Variants in BCAR3 observed in about 807,000 individuals in gnomAD.
BCAR3 encodes the protein breast cancer anti-estrogen resistance protein 3.
BCAR3 carries 37 observed loss-of-function variants against 80.1 expected under a neutral mutation model. That is an observed-to-expected ratio of 0.46 (90% CI 0.36 to 0.61). BCAR3 has a LOEUF of 0.61. Ranked by LOEUF, BCAR3 falls within the 20% of genes least tolerant of loss-of-function variation. The pLI is 0.00. For synonymous variants in BCAR3, 389 were observed against 418.9 expected, an observed-to-expected ratio of 0.93 and a Z score of 0.87; for missense variants, 978 against 1,068.2, an observed-to-expected ratio of 0.92 and a Z score of 1.18.
In BCAR3 at chr1:93,788,365, T is replaced by C. The variant is rs958401181; in HGVS notation, c.-63+57202A>G. 2.6e-5 allele frequency among the ~76,000 whole-genome samples: 4 copies of C among 152,192 alleles called. No homozygotes were observed. In the South Asian group the frequency reaches 8.3e-4, roughly 32 times the overall value. On this transcript the variant is annotated intron_variant, in intron 2 of 13. Transcript: ENST00000370244. Reference sequence around the variant, plus strand: ...TTCATTATGTTATTTAGTGCCTAAATACCCTGTTATTTTTCATTGTGTTAT... The same window carrying C: ...TTCATTATGTTATTTAGTGCCTAAACACCCTGTTATTTTTCATTGTGTTAT...
intron 2 of BCAR3, among the ~76,000 whole-genome samples, chr1:93,731,916 G>T (rs1019332116): frequency 6.6e-6 from 1 of 152,198 alleles, no homozygotes; most frequent in Non-Finnish European, 1.5e-5. Flanking sequence ...AAGGTAGCAA[G>T]GGCTCTGATC....
rs1673444800 is a variant in BCAR3, at chr1:93,576,074, G to C, written c.1742C>G (p.Ser581Ter). 6.2e-7 allele frequency: 1 copy of C among 1,614,038 alleles called. No individual in the cohort carries two copies. The highest frequency in any genetic ancestry group is 8.5e-7 in the Non-Finnish European group (1 of 1,180,046). ...EEMRRNMGVS[S>*]GLELITLPHG... ...AGGCAAGGTAATGAGTTCCAGGCCT[G>C]AGCTCACCCCCATGTTCCTCCTCAT... The change falls in exon 8 of 12, where the codon TCA (serine) becomes TGA (stop). Residue 581 changes from serine (S) to a stop codon, truncating the protein, a stop_gained. Coordinates refer to ENST00000260502, the MANE Select transcript of BCAR3 (RefSeq NM_003567.4). LOFTEE classifies it high-confidence loss of function.
At chr1:93,658,334 A>T (rs936332309) in intron 2 of BCAR3, among the ~76,000 whole-genome samples, 3 of 152,206 alleles carry the variant, frequency 2.0e-5, no homozygotes, top group African/African-American at 7.2e-5. Flanking sequence ...GAAAAGAAAG[A>T]ACAAAACTGG....
chr1:93,568,873 G>A (rs914343073), intron 9 of BCAR3, among the ~76,000 whole-genome samples: 1 of 152,080 alleles, frequency 6.6e-6, no homozygotes, highest in Non-Finnish European at 1.5e-5. Flanking sequence ...CCCAGGCTGG[G>A]GTGCAGTGGT....
chr1:93,784,589 G>A (rs1652877804), intron 2 of BCAR3, among the ~76,000 whole-genome samples: 1 of 152,224 alleles, frequency 6.6e-6, no homozygotes. Context: ...GGCCCAGACT[G>A]TCCTTTCTGT....
intron 3 of BCAR3, among the ~76,000 whole-genome samples, chr1:93,626,851 C>T (rs1379151100): frequency 1.3e-5 from 2 of 152,164 alleles, no homozygotes; most frequent in Non-Finnish European, 2.9e-5. Context: ...GAAGGAAAAG[C>T]AACTGTGCAA....
chr1:93,799,509 T>C (rs1365147261), intron 2 of BCAR3, among the ~76,000 whole-genome samples: 1 of 152,198 alleles, frequency 6.6e-6, no homozygotes, highest in East Asian at 1.9e-4. Flanking sequence ...TATGCAAAAA[T>C]TCCAGTTACT....
chr1:93,765,920 C>T (rs1164885583), intron 2 of BCAR3, among the ~76,000 whole-genome samples: 5 of 152,160 alleles, frequency 3.3e-5, no homozygotes, highest in African/African-American at 7.2e-5. Context: ...CCACCTCGGC[C>T]TCCCTAAGTG....
At chr1:93,624,337 T>C (rs1280391618) in intron 3 of BCAR3, among the ~76,000 whole-genome samples, 1 of 152,244 alleles carries the variant, frequency 6.6e-6, no homozygotes, top group African/African-American at 2.4e-5. Flanking sequence ...GCAACCCTCA[T>C]GACTTCTTTC....
At chr1:93,594,217 T>G (rs1190727267) in intron 3 of BCAR3, among the ~76,000 whole-genome samples, 4 of 152,190 alleles carry the variant, frequency 2.6e-5, no homozygotes, top group Non-Finnish European at 4.4e-5. Context: ...GCACTGGGTA[T>G]TCAGTAAACA....
chr1:93,582,192 C>T, intron 7 of BCAR3, 109 bp downstream of exon 7: 1 of 1,386,700 alleles, frequency 7.2e-7, no homozygotes, highest in Non-Finnish European at 9.7e-7. Flanking sequence ...AGAGTGAGGC[C>T]AGATGGATCC....
intron 5 of BCAR3, among the ~76,000 whole-genome samples, chr1:93,587,952 G>A (rs1483388435): frequency 6.6e-6 from 1 of 152,110 alleles, no homozygotes; most frequent in Non-Finnish European, 1.5e-5. Context: ...GGGTGCTTAG[G>A]ATCAGTGAGG....
At chr1:93,830,228 C>T (rs369929616) in intron 2 of BCAR3, among the ~76,000 whole-genome samples, 6 of 152,058 alleles carry the variant, frequency 3.9e-5, no homozygotes, top group African/African-American at 7.2e-5. Context: ...TTGGAGAGGC[C>T]GAGGTGGGTG....
intron 2 of BCAR3, among the ~76,000 whole-genome samples, chr1:93,673,223 T>C (rs559644317): frequency 5.1e-4 from 77 of 152,374 alleles, no homozygotes; most frequent in African/African-American, 1.8e-3. Flanking sequence ...ATATACTACC[T>C]AATGCGCTCA....
chr1:93,728,657 C>T lies in BCAR3; in HGVS notation c.-62-22515G>A, dbSNP rs777916118. Among the ~76,000 whole-genome samples the T allele has an allele frequency of 2.6e-5, 4 of 152,322 alleles. No individual in the cohort carries two copies. The South Asian group carries it at 6.2e-4, about 24-fold the overall frequency. ...TCCAACTGTCCCAGCCAAACTCTGC[C>T]TTCTTCCAGTGCTGGTCAATGGCCT... On this transcript the variant is annotated intron_variant, in intron 2 of 13. Coordinates refer to the BCAR3 transcript ENST00000370244.
intron 3 of BCAR3, among the ~76,000 whole-genome samples, chr1:93,699,355 A>G (rs755061850): frequency 4.0e-4 from 61 of 152,194 alleles, no homozygotes; most frequent in Non-Finnish European, 6.8e-4. Context: ...CTTGAAGCCA[A>G]TCTCCCTACA....
chr1:93,663,489 T>A (rs1220303095), intron 2 of BCAR3, among the ~76,000 whole-genome samples: 1 of 152,082 alleles, frequency 6.6e-6, no homozygotes, highest in Non-Finnish European at 1.5e-5. Context: ...ACATGATACC[T>A]GGAAAGATGT....
At chr1:93,734,810 G>A (rs1650919750) in intron 2 of BCAR3, among the ~76,000 whole-genome samples, 1 of 152,194 alleles carries the variant, frequency 6.6e-6, no homozygotes, top group African/African-American at 2.4e-5. Flanking sequence ...CTGACACCAT[G>A]TTAAGGCAGC....
intron 2 of BCAR3, among the ~76,000 whole-genome samples, chr1:93,835,858 G>T (rs1463900591): frequency 1.3e-5 from 2 of 152,038 alleles, no homozygotes; most frequent in Admixed American, 1.3e-4. Flanking sequence ...TTTCCCACAG[G>T]GTCTGAGAAG....
Sources: allele counts gnomAD v4.1 joint callset (sites outside exome capture counted in the v4.1 genomes callset), GRCh38; gene constraint gnomAD v4.1.1; transcripts MANE v1.5; gene names NCBI Gene and HGNC (gene_info 2026-07-23, HGNC 2026-07-21).